The following TTC27 variants were observed in gnomAD, a reference collection of about 807,000 sequenced individuals.
TTC27 encodes the protein tetratricopeptide repeat domain 27.
Under a neutral mutation model 115.9 loss-of-function variants are expected in TTC27, and 79 were observed. The ratio of observed to expected loss-of-function variants is 0.68; its 90% CI spans 0.57 to 0.82. TTC27 has a LOEUF of 0.82. Ranked by LOEUF, TTC27 falls within the 40% of genes least tolerant of loss-of-function variation. The pLI is 0.00. For missense variants in TTC27, 1,054 were observed against 993.1 expected, an observed-to-expected ratio of 1.06 and a Z score of -0.82; for synonymous variants, 401 against 356.0, an observed-to-expected ratio of 1.13 and a Z score of -1.42.
chr2:32,651,300 G>A (rs1372791945), intron 5 of TTC27, among the ~76,000 whole-genome samples: 2 of 152,190 alleles, frequency 1.3e-5, no homozygotes, highest in Non-Finnish European at 2.9e-5. Flanking sequence ...TCTCATGTGT[G>A]TGCATGTATA....
At chr2:32,650,272 C>T in intron 5 of TTC27, 39 bp downstream of exon 5, 1 of 1,496,888 alleles carries the variant, frequency 6.7e-7, no homozygotes, top group Non-Finnish European at 9.3e-7. Flanking sequence ...GCATGTAGCT[C>T]AGTTCTAATT....
intron 9 of TTC27, among the ~76,000 whole-genome samples, chr2:32,698,543 G>A (rs556916604): frequency 6.7e-6 from 1 of 148,774 alleles, no homozygotes. Flanking sequence ...GCAGTGGCGC[G>A]ATCTCAGCTC....
At chr2:32,652,325 C>T (rs1035475728) in intron 5 of TTC27, among the ~76,000 whole-genome samples, 11 of 151,828 alleles carry the variant, frequency 7.2e-5, no homozygotes, top group African/African-American at 2.4e-4. Context: ...GAGCTGAGAT[C>T]GCGTCATTGC....
intron 7 of TTC27, 79 bp downstream of exon 7, chr2:32,666,847 TG>T: frequency 2.7e-6 from 4 of 1,502,038 alleles, no homozygotes; most frequent in Non-Finnish European, 2.7e-6. Flanking sequence ...ATAGAAACAC[TG>T]AATGGGTTGG....
At chr2:32,642,826 C>T (rs1664703794) in intron 4 of TTC27, among the ~76,000 whole-genome samples, 1 of 152,020 alleles carries the variant, frequency 6.6e-6, no homozygotes, top group Non-Finnish European at 1.5e-5. Context: ...CGCCACCACA[C>T]CCGGCTAATT....
intron 16 of TTC27, among the ~76,000 whole-genome samples, chr2:32,804,449 T>C (rs1671062415): frequency 6.6e-6 from 1 of 152,212 alleles, no homozygotes; most frequent in Non-Finnish European, 1.5e-5. Context: ...TGGCAGCACA[T>C]GGAAACAGCC....
chr2:32,761,785 T>C lies in TTC27; in HGVS notation c.1680+3266T>C, dbSNP rs375513471. Among the ~76,000 whole-genome samples, 32 of 152,360 alleles carry C rather than the reference T, an allele frequency of 2.1e-4. No individual in the cohort carries two copies. The East Asian group carries it at 5.8e-3, about 28-fold the overall frequency. ...GCTTTATTTTTTTCCGTAGCACTTA[T>C]GTATAGCTTACTTTTTTAAAAAAGT... On this transcript the variant is annotated intron_variant, in intron 13 of 19. Coordinates refer to ENST00000317907, the MANE Select transcript of TTC27 (RefSeq NM_017735.5).
intron 13 of TTC27, among the ~76,000 whole-genome samples, chr2:32,761,350 C>A (rs964119665): frequency 6.6e-6 from 1 of 152,180 alleles, no homozygotes; most frequent in Admixed American, 6.5e-5. Context: ...TCCCCATTGT[C>A]TTGCACCTGA....
intron 13 of TTC27, among the ~76,000 whole-genome samples, chr2:32,765,376 A>T (rs1572592477): frequency 6.8e-6 from 1 of 147,226 alleles, no homozygotes; most frequent in African/African-American, 2.5e-5. Context: ...TTTTTTTTTA[A>T]GGAGTAAGTC....
At position 32,780,577 on chromosome 2, in the gene TTC27, T is replaced by C. The variant is rs143478409; in HGVS notation, c.1780-2049T>C. ...GCCTCAGCCTCCCGATTAGCTGGGA[T>C]TACAGGTGTGCAGCACCACGCCTGA... is the stretch of plus-strand genomic sequence containing the variant. On this transcript the variant is annotated intron_variant, in intron 14 of 19. Transcript: ENST00000317907. 9.4e-3 allele frequency among the ~76,000 whole-genome samples: 1,425 copies of C among 152,192 alleles called. 12 individuals are homozygous for C. The highest frequency in any genetic ancestry group is 0.024 in the Middle Eastern group (7 of 294).
intron 12 of TTC27, among the ~76,000 whole-genome samples, chr2:32,757,257 A>T (rs1472981501): frequency 6.6e-6 from 1 of 152,190 alleles, no homozygotes; most frequent in Non-Finnish European, 1.5e-5. Context: ...CATGCTTTTC[A>T]TTGCCTTTGG....
intron 13 of TTC27, among the ~76,000 whole-genome samples, chr2:32,774,505 A>G: frequency 6.6e-6 from 1 of 152,304 alleles, no homozygotes; most frequent in African/African-American, 2.4e-5. Flanking sequence ...TAATGAGGCT[A>G]CTAGCATGAT....
At chr2:32,743,246 C>T (rs528800750) in intron 12 of TTC27, among the ~76,000 whole-genome samples, 5 of 152,206 alleles carry the variant, frequency 3.3e-5, no homozygotes, top group South Asian at 2.1e-4. Flanking sequence ...ACAAAATTTC[C>T]GCTAATTCAC....
At chr2:32,778,019 A>T in intron 14 of TTC27, 39 bp downstream of exon 14, 1 of 1,591,178 alleles carries the variant, frequency 6.3e-7, no homozygotes, top group Non-Finnish European at 8.6e-7. Flanking sequence ...GTGGCTCTTT[A>T]CTCTCTAAGT....
intron 5 of TTC27, among the ~76,000 whole-genome samples, chr2:32,656,716 A>G (rs1665334342): frequency 6.6e-6 from 1 of 152,176 alleles, no homozygotes; most frequent in Non-Finnish European, 1.5e-5. Context: ...TAAACCTTAC[A>G]AACTTGATGT....
At chr2:32,707,963 CAA>C (rs577901049) in intron 10 of TTC27, among the ~76,000 whole-genome samples, 1 of 141,272 alleles carries the variant, frequency 7.1e-6, no homozygotes, top group Non-Finnish European at 1.5e-5. Context: ...TACTTAACAA[CAA>C]AAAAAAAAAG....
chr2:32,734,007 T>C, intron 11 of TTC27, 84 bp downstream of exon 11: 3 of 973,008 alleles, frequency 3.1e-6, no homozygotes, highest in South Asian at 1.7e-5. Flanking sequence ...TTTTAATTTA[T>C]GTTTGAATTT....
At chr2:32,752,752 A>G (rs76629702) in intron 12 of TTC27, among the ~76,000 whole-genome samples, 2,703 of 152,304 alleles carry the variant, frequency 0.018, 68 homozygotes, top group African/African-American at 0.062. Context: ...CTCTGCTGGT[A>G]CAGGAAACTT....
At chr2:32,675,402 G>A (rs1666161665) in intron 8 of TTC27, among the ~76,000 whole-genome samples, 1 of 152,184 alleles carries the variant, frequency 6.6e-6, no homozygotes, top group East Asian at 1.9e-4. Flanking sequence ...ACATTTAAGA[G>A]AGGACTAAAA....
Sources: gnomAD v4.1 joint callset for allele counts (sites outside exome capture counted in the v4.1 genomes callset) on GRCh38, gnomAD v4.1.1 for gene constraint, MANE v1.5 for transcripts, NCBI Gene and HGNC (gene_info 2026-07-23, HGNC 2026-07-21) for gene names.